HCRTR2: variants seen among roughly 807,000 people sequenced by gnomAD.
HCRTR2 encodes the protein hypocretin receptor 2.
In HCRTR2, 22 loss-of-function variants were observed where a neutral mutation model predicts 49.0. The observed-to-expected ratio is 0.45, with a 90% CI of 0.32 to 0.64. The LOEUF (loss-of-function observed/expected upper bound fraction) is 0.64, where lower values mean the gene tolerates loss of function less well. HCRTR2 is among the 30% of genes least tolerant of loss of function. The pLI, the probability that HCRTR2 is intolerant of heterozygous loss-of-function variation, is 0.04. For synonymous variants in HCRTR2, 236 were observed against 205.3 expected (o/e 1.15, Z -1.28); for missense variants, 491 against 559.4 (o/e 0.88, Z 1.23).
chr6:55,132,004 C>A (rs1285247972), intron 1 of HCRTR2, among the ~76,000 whole-genome samples: 1 of 151,716 alleles, frequency 6.6e-6, no homozygotes, highest in Non-Finnish European at 1.5e-5. Context: ...ATACTCTCAG[C>A]AAGGTTTTTC....
intron 1 of HCRTR2, among the ~76,000 whole-genome samples, chr6:55,151,693 G>T (rs1764667091): frequency 6.6e-6 from 1 of 151,822 alleles, no homozygotes; most frequent in African/African-American, 2.4e-5. Context: ...ATGGCACCTA[G>T]AATGGTGGAT....
intron 1 of HCRTR2, among the ~76,000 whole-genome samples, chr6:55,129,881 C>T (rs1395030180): frequency 6.6e-6 from 1 of 152,002 alleles, no homozygotes; most frequent in African/African-American, 2.4e-5. Context: ...AATAAGTTCT[C>T]TTTTACTTTA....
At chr6:55,150,925 C>G (rs1287185985) in intron 1 of HCRTR2, among the ~76,000 whole-genome samples, 1 of 151,938 alleles carries the variant, frequency 6.6e-6, no homozygotes, top group Non-Finnish European at 1.5e-5. Context: ...AAGTGAATCC[C>G]ACAAATGTTT....
At chr6:55,111,208 T>C (rs1764044067) in intron 1 of HCRTR2, among the ~76,000 whole-genome samples, 1 of 151,656 alleles carries the variant, frequency 6.6e-6, no homozygotes, top group Non-Finnish European at 1.5e-5. Flanking sequence ...AATGCCTACA[T>C]CAAAAAGTCT....
At chr6:55,214,429 T>G (rs376080040) in intron 1 of HCRTR2, among the ~76,000 whole-genome samples, 91 of 152,242 alleles carry the variant, frequency 6.0e-4, no homozygotes, top group African/African-American at 2.0e-3. Context: ...ACTCCAAGGG[T>G]CAAGTGATCT....
intron 1 of HCRTR2, among the ~76,000 whole-genome samples, chr6:55,158,180 C>T (rs1764756258): frequency 6.6e-6 from 1 of 152,156 alleles, no homozygotes; most frequent in South Asian, 2.1e-4. Flanking sequence ...GATGGGGTGT[C>T]ACCTCACTGG....
chr6:55,127,026 G>A (rs773262271), intron 1 of HCRTR2, among the ~76,000 whole-genome samples: 33 of 152,224 alleles, frequency 2.2e-4, no homozygotes, highest in Non-Finnish European at 3.2e-4. Flanking sequence ...GGGACCCACC[G>A]AGCTGACCAC....
At position 55,266,671 on chromosome 6, in the gene HCRTR2, T is replaced by C. The variant is rs140457062; in HGVS notation, c.762+2849T>C. On this transcript the variant is annotated intron_variant, in intron 4 of 6. Transcript: ENST00000370862. ...TTATTCATTTATTTACAAATTGACA[T>C]ACCTTTAAAACTCTTTCAAGGTTGC... Among the ~76,000 whole-genome samples, 920 of 152,256 alleles carry C rather than the reference T, an allele frequency of 6.0e-3. 9 individuals are homozygous for C. Among genetic ancestry groups the C allele is most frequent in the African/African-American group, 0.021 (875 of 41,560 alleles).
intron 1 of HCRTR2, among the ~76,000 whole-genome samples, chr6:55,217,811 A>T (rs184206822): frequency 4.6e-5 from 7 of 152,166 alleles, no homozygotes; most frequent in Admixed American, 1.3e-4. Context: ...TGCTCCTCCA[A>T]ACCCTTCCAG....
chr6:55,266,900 A>G (rs1302851393), intron 4 of HCRTR2, among the ~76,000 whole-genome samples: 2 of 152,208 alleles, frequency 1.3e-5, no homozygotes, highest in Non-Finnish European at 2.9e-5. Flanking sequence ...TTTTAAAATA[A>G]ATTGCATCAC....
chr6:55,201,975 C>T (rs922458194), intron 1 of HCRTR2, among the ~76,000 whole-genome samples: 5 of 151,988 alleles, frequency 3.3e-5, no homozygotes, highest in African/African-American at 1.2e-4. Context: ...CAAGAAGCAA[C>T]TTTAAGAATG....
At chr6:55,174,162 C>CA (rs572398930), upstream of HCRTR2, 10 of 211,042 alleles carry the variant, frequency 4.7e-5, no homozygotes, top group East Asian at 2.7e-4. Flanking sequence ...CCCCACCCCC[C>CA]AAAAAAACAG....
chr6:55,259,473 G>C (rs895342609), intron 3 of HCRTR2, among the ~76,000 whole-genome samples: 1 of 152,008 alleles, frequency 6.6e-6, no homozygotes, highest in African/African-American at 2.4e-5. Flanking sequence ...TTCAATTCCT[G>C]ATAAGTGTAC....
intron 1 of HCRTR2, among the ~76,000 whole-genome samples, chr6:55,189,083 CT>C (rs1372579486): frequency 6.6e-6 from 1 of 152,278 alleles, no homozygotes; most frequent in African/African-American, 2.4e-5. Context: ...GTAATAAGGT[CT>C]TAATCTCCTC....
chr6:55,179,586 C>G (rs1004335939), intron 1 of HCRTR2, among the ~76,000 whole-genome samples: 1 of 152,104 alleles, frequency 6.6e-6, no homozygotes, highest in African/African-American at 2.4e-5. Context: ...ATGAGAATAA[C>G]ATGTGCAACT....
intron 3 of HCRTR2, among the ~76,000 whole-genome samples, chr6:55,259,376 A>C (rs1766712900): frequency 6.6e-6 from 1 of 152,166 alleles, no homozygotes; most frequent in Admixed American, 6.5e-5. Context: ...AACATATTAA[A>C]GATTCAGGTA....
At chr6:55,242,008 ACAGGCTCCCACCACCAAGCCCAG>A (rs1766344703) in intron 1 of HCRTR2, among the ~76,000 whole-genome samples, 1 of 151,354 alleles carries the variant, frequency 6.6e-6, no homozygotes, top group South Asian at 2.1e-4. Flanking sequence ...AGCTGGGATT[ACAGGCTCCCACCACCAAGCCCAG>A]CTAATTTTTG....
In HCRTR2 at chr6:55,203,643, G is replaced by A. The variant is rs367753372; in HGVS notation, c.223+28833G>A. On this transcript the variant is annotated intron_variant, in intron 1 of 6. Coordinates refer to ENST00000370862, the MANE Select transcript of HCRTR2 (RefSeq NM_001384272.1). ...ACAAGTGGATGGTCACCTTCTCACTGATAAGGTGACATTTGAGCAAAAGTC... is the reference window on the plus strand; with the variant it reads ...ACAAGTGGATGGTCACCTTCTCACTAATAAGGTGACATTTGAGCAAAAGTC... Among the ~76,000 whole-genome samples the A allele has an allele frequency of 1.4e-4, 21 of 152,278 alleles. No homozygotes were observed. The East Asian group carries it at 2.9e-3, about 21-fold the overall frequency.
At chr6:55,193,969 C>T (rs1333765008) in intron 1 of HCRTR2, among the ~76,000 whole-genome samples, 1 of 152,072 alleles carries the variant, frequency 6.6e-6, no homozygotes, top group Non-Finnish European at 1.5e-5. Flanking sequence ...GTCTCTTTAA[C>T]ACTGAATAAA....
Sources: gnomAD v4.1 joint callset for allele counts (sites outside exome capture counted in the v4.1 genomes callset) on GRCh38, gnomAD v4.1.1 for gene constraint, MANE v1.5 for transcripts, NCBI Gene and HGNC (gene_info 2026-07-23, HGNC 2026-07-21) for gene names.